SLC25A36: variants seen among roughly 807,000 people sequenced by gnomAD.
The protein encoded by SLC25A36 is solute carrier family 25 member 36, also known as epididymis secretory sperm binding protein.
Under a neutral mutation model 35.3 loss-of-function variants are expected in SLC25A36, and 24 were observed. That is an observed-to-expected ratio of 0.68 (90% confidence interval 0.49 to 0.96). The LOEUF (loss-of-function observed/expected upper bound fraction) is 0.96. SLC25A36 is among the 40% of genes least tolerant of loss of function. The pLI, the probability that SLC25A36 is intolerant of heterozygous loss-of-function variation, is 0.00. For missense variants in SLC25A36, 294 were observed against 381.1 expected, an observed-to-expected ratio of 0.77 and a Z score of 1.90; for synonymous variants, 141 against 132.2, an observed-to-expected ratio of 1.07 and a Z score of -0.46.
intron 4 of SLC25A36, chr3:140,964,718 C>G (rs1248270726): frequency 6.6e-6 from 1 of 151,724 alleles, no homozygotes; most frequent in Non-Finnish European, 1.5e-5. Flanking sequence ...AAATGTTAAT[C>G]TTATTTGAAA....
intron 3 of SLC25A36, among the ~76,000 whole-genome samples, chr3:140,962,848 C>A (rs1320786959): frequency 2.0e-5 from 3 of 147,444 alleles, no homozygotes; most frequent in Non-Finnish European, 3.0e-5. Context: ...TCTTGGTTAC[C>A]AAGTTTTAGT....
intron 1 of SLC25A36, among the ~76,000 whole-genome samples, chr3:140,949,391 ACAT>A (rs1418812404): frequency 6.6e-6 from 1 of 152,248 alleles, no homozygotes; most frequent in Non-Finnish European, 1.5e-5. Context: ...AATTTGGCAA[ACAT>A]CATTAAAATA....
rs1935123209 is a variant in SLC25A36 at position 140,978,992 on chromosome 3, T to A, written c.*2539T>A. ...TTTATTTCTGGTGTAGAGTCCACAT[T>A]ATTTAGTTTGTTGTACTTTTAAATT... On this transcript the variant is annotated 3_prime_UTR_variant, in exon 7 of 7. Coordinates refer to ENST00000324194, the MANE Select transcript of SLC25A36 (RefSeq NM_001104647.3). 1 of 152,204 alleles carries A rather than the reference T, an allele frequency of 6.6e-6. No individual in the cohort carries two copies. Among genetic ancestry groups the A allele is most frequent in the Admixed American group, 6.6e-5 (1 of 15,264 alleles). 9.4% of individuals were successfully genotyped at this position (152,204 alleles called of 1,614,324 possible).
rs1935112015 is a variant in SLC25A36, at chr3:140,978,583, G to A, written c.*2130G>A. On this transcript the variant is annotated 3_prime_UTR_variant, in exon 7 of 7. Coordinates refer to ENST00000324194, the MANE Select transcript of SLC25A36 (RefSeq NM_001104647.3). ...CATATTCATAACAAGTGTCCTTCAA[G>A]GATAAACATATATTCTCTATTTGTA... is the stretch of plus-strand genomic sequence containing the variant. The A allele has an allele frequency of 6.6e-6, 1 of 152,156 alleles. No homozygotes were observed. The highest frequency in any genetic ancestry group is 1.5e-5 in the Non-Finnish European group (1 of 68,016). 9.4% of individuals were successfully genotyped at this position (152,156 alleles called of 1,614,324 possible).
chr3:140,961,393 A>C (rs908642604), intron 3 of SLC25A36, among the ~76,000 whole-genome samples: 13 of 152,272 alleles, frequency 8.5e-5, no homozygotes, highest in Admixed American at 5.2e-4. Flanking sequence ...AGCACTAATA[A>C]ACATTTCCTT....
chr3:140,980,703 C>T lies in SLC25A36; in HGVS notation c.*4250C>T, dbSNP rs369826348. Among the ~76,000 whole-genome samples, 1 of 50,508 alleles carries T rather than the reference C, an allele frequency of 2.0e-5. No individual in the cohort carries two copies. Among genetic ancestry groups the T allele is most frequent in the Non-Finnish European group, 7.3e-5 (1 of 13,702 alleles). The allele number at this position is 50,508 out of a possible 152,430, so 33.1% of individuals were successfully genotyped here. ...ATTAAATGTTCCCCCTGCCCCCCCC[C>T]CCTTTTAATATATATACACGGAGCT... On this transcript the variant is annotated 3_prime_UTR_variant, in exon 7 of 7. Transcript: ENST00000324194.
chr3:140,979,869 G>A lies in SLC25A36; in HGVS notation c.*3416G>A, dbSNP rs1559820549. On this transcript the variant is annotated 3_prime_UTR_variant, in exon 7 of 7. Transcript: ENST00000324194. ...GCTGTAAATTATGTGCATTTACTCT[G>A]TATTTATGTTATCTAGCTGACTTTT... 3.3e-5 allele frequency: 5 copies of A among 152,094 alleles called. No homozygotes were observed. The allele number at this position is 152,094 out of a possible 1,614,324, so 9.4% of individuals were successfully genotyped here.
intron 1 of SLC25A36, among the ~76,000 whole-genome samples, chr3:140,946,568 C>A (rs1267029380): frequency 6.6e-6 from 1 of 152,140 alleles, no homozygotes; most frequent in East Asian, 1.9e-4. Flanking sequence ...AAGCAATGGA[C>A]ATTGTGAGAA....
intron 1 of SLC25A36, among the ~76,000 whole-genome samples, chr3:140,956,123 C>T (rs992759663): frequency 3.3e-5 from 5 of 152,174 alleles, no homozygotes; most frequent in African/African-American, 1.2e-4. Context: ...TTTGAAAGGA[C>T]AGGAGTTTGA....
chr3:140,961,699 T>G (rs1934630596), intron 3 of SLC25A36, among the ~76,000 whole-genome samples: 1 of 151,106 alleles, frequency 6.6e-6, no homozygotes, highest in African/African-American at 2.4e-5. Flanking sequence ...ACTAAAAATA[T>G]AAAAAAATTA....
intron 2 of SLC25A36, among the ~76,000 whole-genome samples, chr3:140,958,960 TTGTGTGTGTGTGTGTGTGTGTGTGTG>T (rs377492880): frequency 2.0e-4 from 22 of 112,634 alleles, no homozygotes; most frequent in East Asian, 1.1e-3. Context: ...AAACAATGTT[TTGTGTGTGTGTGTGTGTGTGTGTGTG>T]TGTGTGTGTG....
Position 140,979,760 on chromosome 3 carries a change from T to A in SLC25A36, c.*3307T>A, listed in dbSNP as rs1274523422. The A allele has an allele frequency of 6.6e-6, 1 of 152,202 alleles. No homozygotes were observed. Among genetic ancestry groups the A allele is most frequent in the Non-Finnish European group, 1.5e-5 (1 of 68,020 alleles). The allele number at this position is 152,202 out of a possible 1,614,324, so 9.4% of individuals were successfully genotyped here. ...CGTTTATGTGAAGAATTATGACCTATCAGTCATAGCTAAATAGTGAACCTC... is the reference window on the plus strand; with the variant it reads ...CGTTTATGTGAAGAATTATGACCTAACAGTCATAGCTAAATAGTGAACCTC... On this transcript the variant is annotated 3_prime_UTR_variant, in exon 7 of 7. Transcript: ENST00000324194.
intron 4 of SLC25A36, chr3:140,963,842 T>C (rs1934693682): frequency 6.6e-6 from 1 of 152,116 alleles, no homozygotes; most frequent in African/African-American, 2.4e-5. Context: ...GTTTCTGTCA[T>C]CACTGATAAG....
intron 3 of SLC25A36, among the ~76,000 whole-genome samples, chr3:140,962,878 G>A (rs769015827): frequency 2.0e-5 from 3 of 151,632 alleles, no homozygotes; most frequent in Non-Finnish European, 3.0e-5. Flanking sequence ...GGCTGTCAGA[G>A]TATTGGAAGG....
At chr3:140,947,017 T>TCC (rs1934184846) in intron 1 of SLC25A36, among the ~76,000 whole-genome samples, 1 of 151,514 alleles carries the variant, frequency 6.6e-6, no homozygotes, top group Non-Finnish European at 1.5e-5. Flanking sequence ...AGAAGAGGAA[T>TCC]GAGGAGAAGA....
chr3:140,966,135 TAC>T (rs1321231037), intron 4 of SLC25A36: 9 of 153,272 alleles, frequency 5.9e-5, no homozygotes, highest in Non-Finnish European at 8.7e-5. Flanking sequence ...GCTCACAGCA[TAC>T]AGTTATTTTT....
intron 4 of SLC25A36, chr3:140,963,468 C>T: frequency 3.2e-6 from 1 of 315,176 alleles, no homozygotes; most frequent in East Asian, 7.3e-5. Flanking sequence ...CTTGTGTAGT[C>T]CACTGAATGT....
At chr3:140,954,688 C>G (rs770397463) in intron 1 of SLC25A36, among the ~76,000 whole-genome samples, 3 of 152,166 alleles carry the variant, frequency 2.0e-5, no homozygotes, top group Non-Finnish European at 4.4e-5. Context: ...TGTTAAATCT[C>G]TTACTGAATT....
intron 3 of SLC25A36, among the ~76,000 whole-genome samples, chr3:140,961,965 G>A (rs1056881776): frequency 1.3e-5 from 2 of 149,192 alleles, no homozygotes; most frequent in Admixed American, 1.3e-4. Context: ...CTTACCAAAT[G>A]GACTAAGAGG....
Sources: allele counts gnomAD v4.1 joint callset (sites outside exome capture counted in the v4.1 genomes callset), GRCh38; gene constraint gnomAD v4.1.1; transcripts MANE v1.5; gene names NCBI Gene and HGNC (gene_info 2026-07-23, HGNC 2026-07-21).